The following SART1 variants were observed in gnomAD, a reference collection of about 807,000 sequenced individuals.
SART1 encodes the protein spliceosome associated factor 1, recruiter of U4/U6.U5 tri-snRNP, also known as U4/U6.U5 tri-snRNP-associated protein 1.
A neutral mutation model predicts 105.0 loss-of-function variants in SART1; 28 were observed. The ratio of observed to expected loss-of-function variants is 0.27; its 90% CI spans 0.20 to 0.37. SART1 has a LOEUF of 0.37. Among genes scored for constraint, SART1 ranks in the 10% least tolerant of loss-of-function variants. The pLI, the probability that SART1 is intolerant of heterozygous loss-of-function variation, is 1.00. For missense variants in SART1, 894 were observed against 1,106.5 expected (o/e 0.81, Z 2.72); for synonymous variants, 472 against 462.9 (o/e 1.02, Z -0.25).
intron 1 of SART1, 97 bp from the exon 2 acceptor site, chr11:65,963,977 G>T (rs1481340871): frequency 1.9e-6 from 2 of 1,026,134 alleles, no homozygotes; most frequent in Non-Finnish European, 2.9e-6. Flanking sequence ...CCAGGTGCTG[G>T]TGAGGGGCCC....
rs1386684928 is a variant in SART1, at chr11:65,964,143, C to T, written c.371+12C>T. On this transcript the variant is annotated intron_variant, in intron 2 of 19. Transcript: ENST00000312397. ...ATCGAGGAGACTAAGTGAGTACTGT[C>T]TCCCTTGTTTCTACTTTGTTTTTCT... 6.2e-7 allele frequency: 1 copy of T among 1,611,794 alleles called. No individual in the cohort carries two copies. Among genetic ancestry groups the T allele is most frequent in the South Asian group, 1.1e-5 (1 of 91,052 alleles).
At chr11:65,964,022 T>TG in intron 1 of SART1, 52 bp from the exon 2 acceptor site, 1 of 1,570,368 alleles carries the variant, frequency 6.4e-7, no homozygotes, top group East Asian at 2.2e-5. Context: ...CCAACGATGC[T>TG]GGCTTCTTGG....
chr11:65,978,215 G>A lies in SART1; in HGVS notation c.2172+316G>A. ...TTTCCTGGCCCGCAGGGCCATTCCA[G>A]CGTCCAGGCCCTTCCAGCACTCTCG... On this transcript the variant is annotated intron_variant, in intron 17 of 19. Transcript: ENST00000312397. The surrounding 1 kb of genome is among the most constrained non-coding windows in gnomAD (Gnocchi z 6.8). 2.0e-6 allele frequency: 1 copy of A among 500,622 alleles called. No homozygotes were observed. Among genetic ancestry groups the A allele is most frequent in the South Asian group, 2.2e-5 (1 of 45,826 alleles). 31.0% of individuals were successfully genotyped at this position (500,622 alleles called of 1,614,324 possible). A position where few individuals can be genotyped will look rare whatever the true frequency, so the allele number is the denominator to read the frequency against.
rs372059769 is a variant in SART1 at position 65,978,828 on chromosome 11, G to A, written c.2298G>A (p.Leu766=). ...AGATGAGCTCCAGCGACACGCCCCTGGGCACCGTGGCCCTGCTCCAGGAGA... is the reference window on the plus strand; with the variant it reads ...AGATGAGCTCCAGCGACACGCCCCTAGGCACCGTGGCCCTGCTCCAGGAGA... ...LKKMSSSDTP[L]GTVALLQEKQ... is the part of the protein sequence containing the mutation. Residue 766 remains leucine, a synonymous_variant, in exon 19 of 20, where the codon CTG becomes CTA. Transcript: ENST00000312397. The surrounding 1 kb of genome is among the most constrained non-coding windows in gnomAD (Gnocchi z 6.8). The A allele has an allele frequency of 2.4e-5, 38 of 1,613,944 alleles. No homozygotes were observed. The highest frequency in any genetic ancestry group is 3.1e-5 in the Non-Finnish European group (36 of 1,179,988).
chr11:65,977,512 G>A, intron 15 of SART1, 51 bp from the exon 16 acceptor site: 2 of 1,519,290 alleles, frequency 1.3e-6, no homozygotes. Flanking sequence ...AGGCGGCCCT[G>A]GAGCTGTGGC....
At chr11:65,970,449 G>A (rs931478815) in intron 12 of SART1, among the ~76,000 whole-genome samples, 1 of 152,216 alleles carries the variant, frequency 6.6e-6, no homozygotes, top group Admixed American at 6.5e-5. Flanking sequence ...TATGACGGAA[G>A]AAGAAAAAGA....
Position 65,977,545 on chromosome 11 carries a change from C to T in SART1, c.1946-18C>T. On this transcript the variant is annotated intron_variant, in intron 15 of 19. Coordinates refer to ENST00000312397, the MANE Select transcript of SART1 (RefSeq NM_005146.5). Reference sequence around the variant, plus strand: ...GGCTCTCGAGGGGTTGGGAGTCTCACAACCCCTCCATCCCTAGGGCTGCTG... The same window carrying T: ...GGCTCTCGAGGGGTTGGGAGTCTCATAACCCCTCCATCCCTAGGGCTGCTG... 1 of 1,611,778 alleles carries T rather than the reference C, an allele frequency of 6.2e-7. No homozygotes were observed. The highest frequency in any genetic ancestry group is 1.3e-5 in the African/African-American group (1 of 74,980).
intron 9 of SART1, 44 bp from the exon 10 acceptor site, chr11:65,967,215 C>A: frequency 6.2e-7 from 1 of 1,603,030 alleles, no homozygotes; most frequent in Non-Finnish European, 8.5e-7. Flanking sequence ...GGCGACCTGC[C>A]TTTCTGTGGC....
chr11:65,961,743 G>C lies in SART1; in HGVS notation c.-38G>C. 1 of 1,465,294 alleles carries C rather than the reference G, an allele frequency of 6.8e-7. No homozygotes were observed. The highest frequency in any genetic ancestry group is 1.4e-5 in the South Asian group (1 of 70,018). 90.8% of individuals were successfully genotyped at this position (1,465,294 alleles called of 1,614,324 possible). A position where few individuals can be genotyped will look rare whatever the true frequency, so the allele number is the denominator to read the frequency against. The stretch of plus-strand genomic sequence containing the variant: ...AAGTATTCCCATTTTGCGTTGTCTG[G>C]GCTCGGCGGCAGCCGGGCTCGGAGT... On this transcript the variant is annotated 5_prime_UTR_variant, in exon 1 of 20. Transcript: ENST00000312397.
Position 65,976,873 on chromosome 11 carries a change from G to A in SART1, c.1857+107G>A, listed in dbSNP as rs946455271. The A allele has an allele frequency of 1.0e-5, 12 of 1,147,832 alleles. No homozygotes were observed. In the African/African-American group the frequency reaches 1.8e-4, roughly 18 times the overall value. The allele number at this position is 1,147,832 out of a possible 1,614,324, so 71.1% of individuals were successfully genotyped here. A position where few individuals can be genotyped will look rare whatever the true frequency, so the allele number is the denominator to read the frequency against. On this transcript the variant is annotated intron_variant, in intron 14 of 19. Transcript: ENST00000312397. The surrounding 1 kb of genome is among the most constrained non-coding windows in gnomAD (Gnocchi z 5.1). ...AGCCTCCTCATCCAGAGTGGGCTCT[G>A]CAGACCTCCCAGGGCGATCTGAGGA...
intron 15 of SART1, 111 bp from the exon 16 acceptor site, chr11:65,977,452 C>T: frequency 1.1e-6 from 1 of 892,762 alleles, no homozygotes; most frequent in South Asian, 1.4e-5. Flanking sequence ...TGATGGCTTT[C>T]CAGAGGCAAG....
In SART1 at chr11:65,966,350, C is replaced by G; in HGVS notation, c.982C>G (p.Gln328Glu). The change falls in exon 9 of 20, where the codon CAA becomes GAA. Residue 328 changes from glutamine to glutamate, a missense_variant and splice_region_variant. Gln to Glu is a conservative substitution (Grantham distance 29, BLOSUM62 2). Around this residue, in one of 2 missense-constraint regions of SART1, gnomAD observed 712 missense variants for 778.2 expected, o/e 0.91. Transcript: ENST00000312397. ...CCAACCTGTACCTCTTGCCTTGCAGCAAAAACCTCGCTCTATCCTGTCCAA... is the reference window on the plus strand; with the variant it reads ...CCAACCTGTACCTCTTGCCTTGCAGGAAAAACCTCGCTCTATCCTGTCCAA... ...EDESVDDLAQQKPRSILSKYD... is the reference protein window; with the variant it reads ...EDESVDDLAQEKPRSILSKYD... The G allele has an allele frequency of 6.2e-7, 1 of 1,614,012 alleles. No homozygotes were observed. The highest frequency in any genetic ancestry group is 8.5e-7 in the Non-Finnish European group (1 of 1,180,014).
chr11:65,976,298 T>C lies in SART1; in HGVS notation c.1573-97T>C, dbSNP rs1049233661. ...GCCTGCATGGGCTGTGGGCGTGGCC[T>C]GTCTGGCTGCTGCCAGGGAGGACCC... On this transcript the variant is annotated intron_variant, in intron 12 of 19. Coordinates refer to ENST00000312397, the MANE Select transcript of SART1 (RefSeq NM_005146.5). The surrounding 1 kb of genome is among the most constrained non-coding windows in gnomAD (Gnocchi z 5.1). The C allele has an allele frequency of 2.1e-5, 28 of 1,325,482 alleles. No individual in the cohort carries two copies. In the South Asian group the frequency reaches 2.6e-4, roughly 13 times the overall value. The allele number at this position is 1,325,482 out of a possible 1,614,324, so 82.1% of individuals were successfully genotyped here.
intron 12 of SART1, among the ~76,000 whole-genome samples, chr11:65,975,055 T>C (rs1325738385): frequency 6.6e-6 from 1 of 150,866 alleles, no homozygotes; most frequent in Non-Finnish European, 1.5e-5. Context: ...GAAATAAAAA[T>C]TAAAAGACAA....
chr11:65,976,826 C>T lies in SART1; in HGVS notation c.1857+60C>T, dbSNP rs1855490984. 1.6e-5 allele frequency: 22 copies of T among 1,409,926 alleles called. No homozygotes were observed. The highest frequency in any genetic ancestry group is 7.5e-5 in the South Asian group (6 of 79,878). The allele number at this position is 1,409,926 out of a possible 1,614,324, so 87.3% of individuals were successfully genotyped here. A position where few individuals can be genotyped will look rare whatever the true frequency, so the allele number is the denominator to read the frequency against. On this transcript the variant is annotated intron_variant, in intron 14 of 19. Transcript: ENST00000312397. The surrounding 1 kb of genome is among the most constrained non-coding windows in gnomAD (Gnocchi z 5.1). ...GGGTGCTCAAGCTGGAGATGAGCAC[C>T]GGGCTCGGTGTCCAGAGCCTCAGCC...
At position 65,979,066 on chromosome 11, in the gene SART1, A is replaced by C; in HGVS notation, c.*36A>C. The C allele has an allele frequency of 6.2e-7, 1 of 1,613,760 alleles. No individual in the cohort carries two copies. The highest frequency in any genetic ancestry group is 8.5e-7 in the Non-Finnish European group (1 of 1,179,704). On this transcript the variant is annotated 3_prime_UTR_variant, in exon 20 of 20. Coordinates refer to ENST00000312397, the MANE Select transcript of SART1 (RefSeq NM_005146.5). ...CCGCCCCGGCCCTGCCTCAACCTTC[A>C]TATTAAATAAAGCTCCCTCCTTATT...
At chr11:65,977,520 G>A in intron 15 of SART1, 43 bp from the exon 16 acceptor site, 1 of 1,555,654 alleles carries the variant, frequency 6.4e-7, no homozygotes, top group East Asian at 2.2e-5. Flanking sequence ...CTGGAGCTGT[G>A]GCTCTCGAGG....
intron 12 of SART1, among the ~76,000 whole-genome samples, chr11:65,969,898 T>C (rs181957387): frequency 1.1e-4 from 16 of 152,246 alleles, no homozygotes; most frequent in Non-Finnish European, 1.8e-4. Context: ...GATTTTTGTA[T>C]TTTTTAGAAG....
rs750824341 is a variant in SART1, at chr11:65,978,898, G to A, written c.2368G>A (p.Gly790Ser). 2 of 1,614,028 alleles carry A rather than the reference G, an allele frequency of 1.2e-6. No homozygotes were observed. Among genetic ancestry groups the A allele is most frequent in the East Asian group, 2.2e-5 (1 of 44,862 alleles). The change falls in exon 19 of 20, where the codon GGC (glycine) becomes AGC (serine). Residue 790 changes from glycine to serine, a missense_variant. Gly to Ser is a moderately conservative substitution (Grantham distance 56). Coordinates refer to ENST00000312397, the MANE Select transcript of SART1 (RefSeq NM_005146.5). This position sits in a 1 kb window ranked among gnomAD's most constrained non-coding sequence, Gnocchi z 6.8. ...CCCCTACATCGTGCTCAGCGGCAGC[G>A]GCAAGAGCATGAACGCGTGAGTGGC... The part of the protein sequence containing the change: ...KTPYIVLSGS[G>S]KSMNANTITK
Sources: gnomAD v4.1 joint callset for allele counts (sites outside exome capture counted in the v4.1 genomes callset) on GRCh38, gnomAD v4.1.1 for gene constraint, gnomAD v4.1.1 regional missense constraint, Gnocchi (gnomAD v3.1) non-coding constraint, MANE v1.5 for transcripts, NCBI Gene and HGNC (gene_info 2026-07-23, HGNC 2026-07-21) for gene names.